Variants in ST6GALNAC3 observed in about 807,000 individuals in gnomAD.
The protein encoded by ST6GALNAC3 is alpha-N-acetylgalactosaminide alpha-2,6-sialyltransferase 3.
In ST6GALNAC3, 25 loss-of-function variants were observed where a neutral mutation model predicts 32.7. That is an observed-to-expected ratio of 0.76 (90% CI 0.56 to 1.07). The LOEUF is 1.07. Ranked by LOEUF, ST6GALNAC3 falls within the 50% of genes least tolerant of loss-of-function variation. The probability of loss-of-function intolerance (pLI) is 0.00; values close to 1 mark genes in which losing one functional copy is unlikely to be tolerated. For synonymous variants in ST6GALNAC3, 129 were observed against 133.1 expected (o/e 0.97, Z 0.21); for missense variants, 355 against 382.4 (o/e 0.93, Z 0.60).
At chr1:76,182,222 A>T (rs1653228356) in intron 1 of ST6GALNAC3, among the ~76,000 whole-genome samples, 1 of 152,220 alleles carries the variant, frequency 6.6e-6, no homozygotes, top group Admixed American at 6.5e-5. Flanking sequence ...AAGATAAATC[A>T]TGCCATTTGA....
intron 1 of ST6GALNAC3, among the ~76,000 whole-genome samples, chr1:76,089,460 T>C (rs1020143643): frequency 3.2e-4 from 49 of 152,338 alleles, no homozygotes; most frequent in Middle Eastern, 3.4e-3. Flanking sequence ...TGCACACGGG[T>C]AATTTCAAAC....
At chr1:76,156,953 A>T (rs7526081) in intron 1 of ST6GALNAC3, among the ~76,000 whole-genome samples, 5 of 152,060 alleles carry the variant, frequency 3.3e-5, no homozygotes, top group South Asian at 2.1e-4. Flanking sequence ...GGATGGTCTC[A>T]ATCTTCTGAC....
intron 1 of ST6GALNAC3, among the ~76,000 whole-genome samples, chr1:76,305,077 G>C (rs1051150911): frequency 6.6e-6 from 1 of 152,044 alleles, no homozygotes; most frequent in South Asian, 2.1e-4. Flanking sequence ...TGGGATCTGA[G>C]TGAGGGCAAC....
intron 1 of ST6GALNAC3, among the ~76,000 whole-genome samples, chr1:76,284,772 G>A (rs1018937556): frequency 1.3e-5 from 2 of 151,980 alleles, no homozygotes; most frequent in Non-Finnish European, 2.9e-5. Context: ...TCTCATATAA[G>A]GTATCTTAGT....
chr1:76,172,290 C>G (rs1034943423), intron 1 of ST6GALNAC3, among the ~76,000 whole-genome samples: 1 of 152,158 alleles, frequency 6.6e-6, no homozygotes, highest in African/African-American at 2.4e-5. Flanking sequence ...ATTCAACATT[C>G]TTCATGTTAA....
intron 3 of ST6GALNAC3, among the ~76,000 whole-genome samples, chr1:76,583,586 CA>C (rs1646921036): frequency 6.6e-6 from 1 of 151,990 alleles, no homozygotes; most frequent in Non-Finnish European, 1.5e-5. Flanking sequence ...AGTGATTTAA[CA>C]AAAATGAAAG....
intron 3 of ST6GALNAC3, among the ~76,000 whole-genome samples, chr1:76,622,790 G>A (rs1282140728): frequency 6.6e-6 from 1 of 151,990 alleles, no homozygotes; most frequent in African/African-American, 2.4e-5. Flanking sequence ...AGAGCATCCT[G>A]TGAATAGATA....
intron 1 of ST6GALNAC3, among the ~76,000 whole-genome samples, chr1:76,189,317 A>T (rs1653760837): frequency 6.6e-6 from 1 of 152,112 alleles, no homozygotes; most frequent in Non-Finnish European, 1.5e-5. Context: ...TACCACCACC[A>T]CCCCTGTGAT....
intron 3 of ST6GALNAC3, among the ~76,000 whole-genome samples, chr1:76,604,857 T>A (rs1647420304): frequency 6.6e-6 from 1 of 152,204 alleles, no homozygotes; most frequent in Non-Finnish European, 1.5e-5. Context: ...TTGCATTTAT[T>A]TTGCCATTTT....
At chr1:76,340,334 T>G (rs922113644) in intron 2 of ST6GALNAC3, among the ~76,000 whole-genome samples, 1 of 152,324 alleles carries the variant, frequency 6.6e-6, no homozygotes, top group East Asian at 1.9e-4. Context: ...TTGATGATGA[T>G]TCTATGTGTG....
At chr1:76,276,239 A>G (rs1659127113) in intron 1 of ST6GALNAC3, among the ~76,000 whole-genome samples, 2 of 151,736 alleles carry the variant, frequency 1.3e-5, no homozygotes, top group African/African-American at 4.8e-5. Context: ...ATATAATGCG[A>G]TTTCATAGCC....
At chr1:76,377,936 C>A (rs1304404318) in intron 2 of ST6GALNAC3, among the ~76,000 whole-genome samples, 2 of 152,150 alleles carry the variant, frequency 1.3e-5, no homozygotes, top group African/African-American at 4.8e-5. Context: ...TGCCATTCCT[C>A]AGAATGAGAA....
rs1299887057 is a variant in ST6GALNAC3, at chr1:76,555,417, A to G, written c.624-72035A>G. ...GAGAGAGTGGGTGACTCCTTCTCTT[A>G]AAGGATTCTTCCTGCTTTCAACATA... is the stretch of plus-strand genomic sequence containing the variant. On this transcript the variant is annotated intron_variant, in intron 3 of 4. Coordinates refer to ENST00000328299, the MANE Select transcript of ST6GALNAC3 (RefSeq NM_152996.4). Among the ~76,000 whole-genome samples the G allele has an allele frequency of 2.0e-5, 3 of 152,144 alleles. No individual in the cohort carries two copies. In the East Asian group the frequency reaches 5.8e-4, roughly 29 times the overall value.
At chr1:76,480,796 G>A (rs1056514005) in intron 3 of ST6GALNAC3, among the ~76,000 whole-genome samples, 2 of 152,040 alleles carry the variant, frequency 1.3e-5, no homozygotes, top group African/African-American at 4.8e-5. Flanking sequence ...TGAAAATATT[G>A]TATATAGCAG....
intron 3 of ST6GALNAC3, among the ~76,000 whole-genome samples, chr1:76,594,995 A>T (rs1647111610): frequency 6.6e-6 from 1 of 152,178 alleles, no homozygotes; most frequent in Admixed American, 6.6e-5. Context: ...ACCAAAGTTC[A>T]AATTTCATTG....
intron 2 of ST6GALNAC3, among the ~76,000 whole-genome samples, chr1:76,383,869 A>G (rs1233107276): frequency 6.6e-6 from 1 of 152,154 alleles, no homozygotes; most frequent in Non-Finnish European, 1.5e-5. Flanking sequence ...TAATAATGCA[A>G]TTTTAGGATG....
chr1:76,391,805 G>A (rs1488862578), intron 2 of ST6GALNAC3, among the ~76,000 whole-genome samples: 1 of 152,030 alleles, frequency 6.6e-6, no homozygotes, highest in Non-Finnish European at 1.5e-5. Context: ...ATATAAATGT[G>A]GGAGCATATG....
At chr1:76,080,647 A>G (rs913124905) in intron 1 of ST6GALNAC3, among the ~76,000 whole-genome samples, 1 of 151,350 alleles carries the variant, frequency 6.6e-6, no homozygotes, top group East Asian at 1.9e-4. Context: ...AAAAAAAAAA[A>G]CAATCAAAAA....
intron 3 of ST6GALNAC3, among the ~76,000 whole-genome samples, chr1:76,527,680 A>G (rs1156871740): frequency 6.6e-6 from 1 of 152,076 alleles, no homozygotes; most frequent in African/African-American, 2.4e-5. Flanking sequence ...AAAGGAACTG[A>G]GAAATCATTC....
Sources: allele counts gnomAD v4.1 joint callset (sites outside exome capture counted in the v4.1 genomes callset), GRCh38; gene constraint gnomAD v4.1.1; transcripts MANE v1.5; gene names NCBI Gene and HGNC (gene_info 2026-07-23, HGNC 2026-07-21).